The following CCDC158 variants were observed in gnomAD, a reference collection of about 807,000 sequenced individuals.
The protein encoded by CCDC158 is coiled-coil domain containing 158, also known as coiled-coil domain-containing protein 158.
CCDC158 carries 116 observed loss-of-function variants against 138.6 expected under a neutral mutation model. That is an observed-to-expected ratio of 0.84 (90% CI 0.72 to 0.98). CCDC158 has a LOEUF of 0.98. Among genes scored for constraint, CCDC158 ranks in the 50% least tolerant of loss-of-function variants. CCDC158 has a pLI of 0.00. For synonymous variants in CCDC158, 436 were observed against 442.4 expected (o/e 0.99, Z 0.18); for missense variants, 1,265 against 1,306.1 (o/e 0.97, Z 0.48).
chr4:76,370,778 T>G (rs1158953001), intron 10 of CCDC158, among the ~76,000 whole-genome samples: 1 of 152,098 alleles, frequency 6.6e-6, no homozygotes, highest in Non-Finnish European at 1.5e-5. Flanking sequence ...ATGCCAAGAT[T>G]AAGAGCTTCT....
chr4:76,413,947 C>G (rs983995375), intron 1 of CCDC158, among the ~76,000 whole-genome samples: 1 of 151,972 alleles, frequency 6.6e-6, no homozygotes, highest in African/African-American at 2.4e-5. Flanking sequence ...TTTTTTCTTT[C>G]TTTCTTTTTT....
chr4:76,369,750 C>CT (rs1415456474), intron 10 of CCDC158, 127 bp from the exon 11 acceptor site: 1 of 767,142 alleles, frequency 1.3e-6, no homozygotes, highest in African/African-American at 1.8e-5. Context: ...AATCTGATTC[C>CT]TTTTTAATGG....
chr4:76,315,380 T>C (rs1207474536), intron 24 of CCDC158, among the ~76,000 whole-genome samples: 1 of 152,182 alleles, frequency 6.6e-6, no homozygotes, highest in Non-Finnish European at 1.5e-5. Flanking sequence ...TTGATGGCCC[T>C]GCACATCACC....
chr4:76,402,629 G>C (rs1350350697), intron 3 of CCDC158, among the ~76,000 whole-genome samples: 1 of 143,918 alleles, frequency 6.9e-6, no homozygotes, highest in Non-Finnish European at 1.5e-5. Flanking sequence ...TTCCATCTGT[G>C]TCTGTTTTCC....
intron 2 of CCDC158, among the ~76,000 whole-genome samples, chr4:76,410,399 G>A (rs1014743524): frequency 3.9e-5 from 6 of 152,020 alleles, no homozygotes; most frequent in Non-Finnish European, 8.8e-5. Flanking sequence ...TGGCCAGGCT[G>A]GTCTTGAACT....
chr4:76,326,842 T>C (rs923519840), intron 22 of CCDC158, among the ~76,000 whole-genome samples: 4 of 152,028 alleles, frequency 2.6e-5, no homozygotes, highest in South Asian at 2.1e-4. Context: ...AAAACAAAAA[T>C]GGAGAGAATT....
intron 1 of CCDC158, among the ~76,000 whole-genome samples, chr4:76,416,260 C>T (rs1445322558): frequency 6.6e-6 from 1 of 152,202 alleles, no homozygotes; most frequent in African/African-American, 2.4e-5. Context: ...TACCCTGCCC[C>T]TTTTCTTGTA....
chr4:76,314,365 T>C (rs1011265695), intron 24 of CCDC158, among the ~76,000 whole-genome samples: 1 of 152,206 alleles, frequency 6.6e-6, no homozygotes, highest in African/African-American at 2.4e-5. Flanking sequence ...GAGAGGAAGA[T>C]GGCAGATAGG....
At chr4:76,333,536 G>A (rs1014830431) in intron 19 of CCDC158, among the ~76,000 whole-genome samples, 1 of 152,128 alleles carries the variant, frequency 6.6e-6, no homozygotes, top group Non-Finnish European at 1.5e-5. Flanking sequence ...TCAAGTCATT[G>A]GCATGAATAC....
Position 76,366,769 on chromosome 4 carries a change from T to C in CCDC158, c.1830+525A>G, listed in dbSNP as rs556724188. On this transcript the variant is annotated intron_variant, in intron 12 of 24. Transcript: ENST00000682701. ...CTAATATTTATTAAATTTTAAATTATTAAGTTATTTAAATTTTAAATTATT... is the reference window on the plus strand; with the variant it reads ...CTAATATTTATTAAATTTTAAATTACTAAGTTATTTAAATTTTAAATTATT... Among the ~76,000 whole-genome samples the C allele has an allele frequency of 2.6e-5, 4 of 152,240 alleles. No homozygotes were observed. The East Asian group carries it at 7.7e-4, about 29-fold the overall frequency.
chr4:76,371,753 C>T (rs1725262416), intron 9 of CCDC158, among the ~76,000 whole-genome samples: 2 of 152,076 alleles, frequency 1.3e-5, no homozygotes, highest in Admixed American at 6.6e-5. Context: ...GCCTGGCCAA[C>T]ATGGCAAAAT....
At chr4:76,355,230 C>T in intron 15 of CCDC158, 94 bp downstream of exon 15, 1 of 801,440 alleles carries the variant, frequency 1.2e-6, no homozygotes, top group Non-Finnish European at 2.2e-6. Context: ...TTCCTTTTCC[C>T]CTTGCACTTG....
rs544893004 is a variant in CCDC158 at position 76,418,193 on chromosome 4, T to C, written c.-117+2772A>G. Among the ~76,000 whole-genome samples the C allele has an allele frequency of 2.4e-3, 358 of 152,268 alleles. 2 individuals carry two copies. Among genetic ancestry groups the C allele is most frequent in the African/African-American group, 8.3e-3 (345 of 41,558 alleles). Reference sequence around the variant, plus strand: ...GAAGCTGGGGCTAGCTATAAAGCCATTGGAGCAGTCCAACAAAGGGACTAA... The same window carrying C: ...GAAGCTGGGGCTAGCTATAAAGCCACTGGAGCAGTCCAACAAAGGGACTAA... On this transcript the variant is annotated intron_variant, in intron 1 of 24. Transcript: ENST00000682701.
chr4:76,370,883 A>T (rs1725169407), intron 10 of CCDC158, among the ~76,000 whole-genome samples: 1 of 152,134 alleles, frequency 6.6e-6, no homozygotes, highest in South Asian at 2.1e-4. Context: ...CATTCCCTGG[A>T]ATGGGGTTTG....
chr4:76,323,546 A>G (rs1720242771), intron 23 of CCDC158, 137 bp from the exon 24 acceptor site: 2 of 605,376 alleles, frequency 3.3e-6, no homozygotes, highest in South Asian at 2.5e-5. Flanking sequence ...AAAGAGCTAT[A>G]ACACTTAAAG....
intron 3 of CCDC158, among the ~76,000 whole-genome samples, chr4:76,399,929 T>C (rs1392288679): frequency 6.6e-6 from 1 of 152,040 alleles, no homozygotes; most frequent in Non-Finnish European, 1.5e-5. Flanking sequence ...ACTCTTCCAT[T>C]GAGCTATGGG....
intron 12 of CCDC158, among the ~76,000 whole-genome samples, chr4:76,365,507 G>T (rs62303260): frequency 0.22 from 33,747 of 152,002 alleles, 3,942 homozygotes; most frequent in Middle Eastern, 0.28. Flanking sequence ...TCTTCTTCAT[G>T]TTACCCCCTC....
Position 76,367,645 on chromosome 4 carries a change from G to A in CCDC158, c.1479C>T (p.Ser493=), listed in dbSNP as rs1028363276. The A allele has an allele frequency of 6.2e-7, 1 of 1,614,062 alleles. No individual in the cohort carries two copies. Among genetic ancestry groups the A allele is most frequent in the Non-Finnish European group, 8.5e-7 (1 of 1,180,032 alleles). ...TCAGGTCCGATATTGTCCTCTCTGA[G>A]CTCTCCAGAGTCATTTTCTTGGCTG... ...ELTAKKMTLE[S]SERTISDLTT... Residue 493 remains serine (S), a synonymous_variant, in exon 12 of 25, where the codon AGC becomes AGT. Coordinates refer to ENST00000682701, the MANE Select transcript of CCDC158 (RefSeq NM_001394954.1).
At chr4:76,346,703 C>T (rs1029314521) in intron 18 of CCDC158, among the ~76,000 whole-genome samples, 2 of 151,694 alleles carry the variant, frequency 1.3e-5, no homozygotes, top group East Asian at 1.9e-4. Flanking sequence ...AACAAGACTC[C>T]GTCTCAAAAA....
Sources: allele counts gnomAD v4.1 joint callset (sites outside exome capture counted in the v4.1 genomes callset), GRCh38; gene constraint gnomAD v4.1.1; transcripts MANE v1.5; gene names NCBI Gene and HGNC (gene_info 2026-07-23, HGNC 2026-07-21).